ITPRID1: variants seen among roughly 807,000 people sequenced by gnomAD.
ITPRID1 encodes the protein ITPR interacting domain containing 1, also known as protein ITPRID1.
Under a neutral mutation model 95.4 loss-of-function variants are expected in ITPRID1, and 96 were observed. The observed-to-expected ratio is 1.01, with a 90% CI of 0.85 to 1.19. ITPRID1 has a LOEUF of 1.19. Among genes scored for constraint, ITPRID1 ranks in the 50% most tolerant of loss-of-function variants. The probability of loss-of-function intolerance (pLI) is 0.00; values close to 1 mark genes in which losing one functional copy is unlikely to be tolerated. For synonymous variants in ITPRID1, 510 were observed against 453.6 expected, an observed-to-expected ratio of 1.12 and a Z score of -1.58; for missense variants, 1,339 against 1,252.9, an observed-to-expected ratio of 1.07 and a Z score of -1.04.
At position 31,643,194 on chromosome 7, in the gene ITPRID1, G is replaced by C; in HGVS notation, c.1824G>C (p.Lys608Asn). 6 of 1,613,962 alleles carry C rather than the reference G, an allele frequency of 3.7e-6. No individual in the cohort carries two copies. Among genetic ancestry groups the C allele is most frequent in the East Asian group, 2.2e-5 (1 of 44,870 alleles). ...RSPGNDHTQDKFLHVDSEAPR... is the reference protein window; with the variant it reads ...RSPGNDHTQDNFLHVDSEAPR... ...CTGGAAATGATCATACTCAAGACAA[G>C]TTCCTTCATGTTGACTCTGAGGCCC... is the stretch of plus-strand genomic sequence containing the variant. The change falls in exon 12 of 15, where the codon AAG becomes AAC. Residue 608 changes from lysine (K) to asparagine (N), a missense_variant. By Grantham distance (94) the Lys-to-Asn change is moderately conservative. Transcript: ENST00000615280.
chr7:31,645,491 TG>T (rs1198536788), intron 12 of ITPRID1, among the ~76,000 whole-genome samples: 3 of 152,032 alleles, frequency 2.0e-5, no homozygotes, highest in African/African-American at 7.2e-5. Flanking sequence ...AAAAGTTCAG[TG>T]GAAGAAAAGA....
At chr7:31,623,933 C>G (rs939963115) in intron 10 of ITPRID1, among the ~76,000 whole-genome samples, 1 of 150,578 alleles carries the variant, frequency 6.6e-6, no homozygotes, top group Non-Finnish European at 1.5e-5. Context: ...TCTCAGGATA[C>G]AAAATCAATG....
intron 10 of ITPRID1, among the ~76,000 whole-genome samples, chr7:31,589,343 T>C (rs1785764011): frequency 6.6e-6 from 1 of 152,126 alleles, no homozygotes; most frequent in South Asian, 2.1e-4. Flanking sequence ...TGTGAGGCAG[T>C]ATCAAAGGTC....
chr7:31,638,560 A>C (rs995445930), intron 10 of ITPRID1, among the ~76,000 whole-genome samples: 2 of 152,182 alleles, frequency 1.3e-5, no homozygotes, highest in African/African-American at 4.8e-5. Context: ...GATGTAGATA[A>C]TAAATAAATA....
In ITPRID1 at chr7:31,656,123, A is replaced by C; in HGVS notation, c.*3294A>C. The C allele has an allele frequency of 1.4e-6, 1 of 691,448 alleles. No individual in the cohort carries two copies. The highest frequency in any genetic ancestry group is 1.8e-6 in the Non-Finnish European group (1 of 561,962). The allele number at this position is 691,448 out of a possible 1,614,324, so 42.8% of individuals were successfully genotyped here. A position where few individuals can be genotyped will look rare whatever the true frequency, so the allele number is the denominator to read the frequency against. ...GATCCTTATTTTTTGAAACTCCTAT[A>C]TCACTTTGCTTTTTTGTTAAAACAC... On this transcript the variant is annotated 3_prime_UTR_variant, in exon 15 of 15. Coordinates refer to ENST00000615280, the MANE Select transcript of ITPRID1 (RefSeq NM_001257967.3).
chr7:31,529,549 G>A (rs1583463510), intron 1 of ITPRID1: 1 of 460,178 alleles, frequency 2.2e-6, no homozygotes, highest in South Asian at 5.7e-5. Context: ...TTTCTTTCTT[G>A]TAGAGAAGTG....
chr7:31,574,544 C>A lies in ITPRID1; in HGVS notation c.400C>A (p.Pro134Thr), dbSNP rs781711771. Residue 134 changes from proline to threonine, a missense_variant, in exon 8 of 15, where the codon CCT (proline) becomes ACT (threonine). Physicochemically the swap from Pro to Thr is conservative, Grantham distance 38. Coordinates refer to ENST00000615280, the MANE Select transcript of ITPRID1 (RefSeq NM_001257967.3). ...YSTASVPQSI[P>T]EWLEFWEIDP... ...TATTCATATTTTTTACCACAGCATT[C>A]CTGAATGGCTGGAATTTTGGGAGAT... 6.2e-7 allele frequency: 1 copy of A among 1,612,954 alleles called. No homozygotes were observed. Among genetic ancestry groups the A allele is most frequent in the South Asian group, 1.1e-5 (1 of 91,068 alleles).
intron 10 of ITPRID1, among the ~76,000 whole-genome samples, chr7:31,631,119 G>A (rs1788952342): frequency 6.6e-6 from 1 of 152,112 alleles, no homozygotes; most frequent in Non-Finnish European, 1.5e-5. Context: ...GCAGTTTTAT[G>A]GCTAAGCTCT....
At chr7:31,649,972 C>T (rs1027584360) in intron 12 of ITPRID1, among the ~76,000 whole-genome samples, 1 of 152,110 alleles carries the variant, frequency 6.6e-6, no homozygotes, top group Non-Finnish European at 1.5e-5. Context: ...AGAGTAGGGG[C>T]TCAGTAGAGT....
rs182124848 is a variant in ITPRID1, at chr7:31,642,845, C to T, written c.1475C>T (p.Ala492Val). 5.0e-6 allele frequency: 8 copies of T among 1,614,008 alleles called. No homozygotes were observed. In the Middle Eastern group the frequency reaches 8.2e-4, roughly 166 times the overall value. Residue 492 changes from alanine (A) to valine (V), a missense_variant, in exon 12 of 15, where the codon GCC becomes GTC. By Grantham distance (64) the Ala-to-Val change is moderately conservative. Transcript: ENST00000615280. ...SMSFSSQEANALEQRASVSVM... is the reference protein window; with the variant it reads ...SMSFSSQEANVLEQRASVSVM... ...TCTTTTTCAAGCCAAGAAGCGAATGCCTTGGAACAAAGGGCCTCAGTATCT... is the reference window on the plus strand; with the variant it reads ...TCTTTTTCAAGCCAAGAAGCGAATGTCTTGGAACAAAGGGCCTCAGTATCT...
chr7:31,611,861 T>A (rs1786882978), intron 10 of ITPRID1, among the ~76,000 whole-genome samples: 2 of 152,042 alleles, frequency 1.3e-5, no homozygotes, highest in African/African-American at 4.8e-5. Context: ...CCGGAGTTTG[T>A]TGAGCTTTTT....
At chr7:31,564,531 C>A (rs1345598475) in intron 5 of ITPRID1, among the ~76,000 whole-genome samples, 1 of 151,966 alleles carries the variant, frequency 6.6e-6, no homozygotes, top group Non-Finnish European at 1.5e-5. Context: ...ACTAGAGAAG[C>A]AAGTATAGAA....
chr7:31,550,572 A>G (rs1784252768), intron 2 of ITPRID1, among the ~76,000 whole-genome samples: 1 of 152,168 alleles, frequency 6.6e-6, no homozygotes. Flanking sequence ...GTGAATGCCA[A>G]AGGAAGGCCA....
intron 1 of ITPRID1, among the ~76,000 whole-genome samples, chr7:31,516,106 G>A (rs1267637723): frequency 6.6e-6 from 1 of 152,122 alleles, no homozygotes; most frequent in South Asian, 2.1e-4. Flanking sequence ...CAACTTGGAC[G>A]AATTTCAGTG....
At chr7:31,562,011 T>C (rs952598642) in intron 5 of ITPRID1, among the ~76,000 whole-genome samples, 6 of 145,902 alleles carry the variant, frequency 4.1e-5, no homozygotes, top group African/African-American at 1.5e-4. Context: ...AAATTCATTC[T>C]TAATCTCAGA....
At chr7:31,627,292 GTAAAAAGTAAT>G (rs1485814038) in intron 10 of ITPRID1, among the ~76,000 whole-genome samples, 1 of 152,136 alleles carries the variant, frequency 6.6e-6, no homozygotes, top group African/African-American at 2.4e-5. Flanking sequence ...GTTGGAATCA[GTAAAAAGTAAT>G]ATTGGGGATG....
intron 10 of ITPRID1, among the ~76,000 whole-genome samples, chr7:31,629,287 C>A (rs2128190976): frequency 5.1e-5 from 1 of 19,530 alleles, no homozygotes; most frequent in East Asian, 7.6e-3. Context: ...ACAACACAAT[C>A]TTTATATAGA....
intron 10 of ITPRID1, among the ~76,000 whole-genome samples, chr7:31,625,971 T>A (rs38365): frequency 0.82 from 124,226 of 152,132 alleles, 51,310 homozygotes; most frequent in East Asian, 0.99. Flanking sequence ...TGATAATAAA[T>A]ATCTTCAGTA....
At chr7:31,520,429 A>T (rs1197671289) in intron 1 of ITPRID1, among the ~76,000 whole-genome samples, 1 of 152,038 alleles carries the variant, frequency 6.6e-6, no homozygotes, top group Non-Finnish European at 1.5e-5. Flanking sequence ...GAGTATCTAC[A>T]TAGATTATTT....
Sources: gnomAD v4.1 joint callset for allele counts (sites outside exome capture counted in the v4.1 genomes callset) on GRCh38, gnomAD v4.1.1 for gene constraint, MANE v1.5 for transcripts, NCBI Gene and HGNC (gene_info 2026-07-23, HGNC 2026-07-21) for gene names.